Variants in RBFOX1 observed in about 807,000 individuals in gnomAD.
RBFOX1 encodes RNA binding protein fox-1 homolog 1.
A neutral mutation model predicts 57.7 loss-of-function variants in RBFOX1; 8 were observed. That is an observed-to-expected ratio of 0.14 (90% CI 0.08 to 0.25). RBFOX1 has a LOEUF of 0.25. RBFOX1 is among the 10% of genes least tolerant of loss of function. The pLI is 1.00. For synonymous variants in RBFOX1, 326 were observed against 222.4 expected (o/e 1.47, Z -4.15); for missense variants, 611 against 548.5 (o/e 1.11, Z -1.14).
chr16:7,532,555 C>A (rs965306441), intron 5 of RBFOX1, among the ~76,000 whole-genome samples: 1 of 152,206 alleles, frequency 6.6e-6, no homozygotes, highest in Non-Finnish European at 1.5e-5. Context: ...TTTCTCCTTG[C>A]CTAGTCTAGC....
At chr16:5,740,643 G>A (rs573361565) in intron 3 of RBFOX1, among the ~76,000 whole-genome samples, 4 of 152,302 alleles carry the variant, frequency 2.6e-5, no homozygotes, top group South Asian at 4.1e-4. Context: ...AGCTTAAACA[G>A]TATGATAGGC....
chr16:6,992,737 G>C (rs997274149), intron 3 of RBFOX1, among the ~76,000 whole-genome samples: 5 of 150,986 alleles, frequency 3.3e-5, no homozygotes, highest in African/African-American at 1.2e-4. Flanking sequence ...ATGAGTCCAA[G>C]AGGTCACATG....
chr16:6,483,386 A>G (rs2095406482), intron 2 of RBFOX1: 5 of 1,528,412 alleles, frequency 3.3e-6, no homozygotes, highest in South Asian at 1.2e-5. Context: ...CGCGCACGAC[A>G]GATGACTGGA....
chr16:7,546,687 C>G (rs1304062810), intron 5 of RBFOX1, among the ~76,000 whole-genome samples: 1 of 152,182 alleles, frequency 6.6e-6, no homozygotes, highest in African/African-American at 2.4e-5. Flanking sequence ...AGTCATTATT[C>G]AATGACTATT....
At chr16:6,778,760 TTTC>T in intron 3 of RBFOX1, among the ~76,000 whole-genome samples, 1 of 152,220 alleles carries the variant, frequency 6.6e-6, no homozygotes, top group East Asian at 1.9e-4. Context: ...GATTGTGAAT[TTTC>T]TTGTTTATCG....
chr16:5,260,180 A>G (rs1000283219), intron 1 of RBFOX1, among the ~76,000 whole-genome samples: 2 of 152,196 alleles, frequency 1.3e-5, no homozygotes, highest in Admixed American at 1.3e-4. Flanking sequence ...AATGTGGGTG[A>G]CGATTGTTTA....
rs193294816 is a variant in RBFOX1, at chr16:7,547,201, T to C, written c.270+28812T>C. On this transcript the variant is annotated intron_variant, in intron 5 of 15. Transcript: ENST00000550418. ...ATACTTTCTTATAAGGCCATAAATA[T>C]TGGTGGTACCAAAGGTTAACGTAGT... 6.7e-4 allele frequency among the ~76,000 whole-genome samples: 102 copies of C among 152,318 alleles called. 3 individuals carry two copies. Among genetic ancestry groups the C allele is most frequent in the Non-Finnish European group, 1.5e-4 (10 of 68,028 alleles).
chr16:7,673,418 C>T (rs1235617050), intron 13 of RBFOX1, among the ~76,000 whole-genome samples: 1 of 152,124 alleles, frequency 6.6e-6, no homozygotes, highest in African/African-American at 2.4e-5. Flanking sequence ...TTTGAAACTG[C>T]TTTATTAGCT....
rs151148881 is a variant in RBFOX1, at chr16:7,045,378, A to G, written c.-15-6679A>G. Reference sequence around the variant, plus strand: ...CACAACAAAAACAAACATGTCTACTATAGAGATTACTTGAAATATCCTTTT... The same window carrying G: ...CACAACAAAAACAAACATGTCTACTGTAGAGATTACTTGAAATATCCTTTT... On this transcript the variant is annotated intron_variant, in intron 3 of 15. Transcript: ENST00000550418. Among the ~76,000 whole-genome samples, 608 of 152,344 alleles carry G rather than the reference A, an allele frequency of 4.0e-3. 1 individual carries two copies. Among genetic ancestry groups the G allele is most frequent in the Non-Finnish European group, 6.3e-3 (429 of 68,030 alleles).
intron 1 of RBFOX1, among the ~76,000 whole-genome samples, chr16:5,327,171 G>A (rs1343725846): frequency 1.3e-5 from 2 of 152,176 alleles, no homozygotes; most frequent in Non-Finnish European, 2.9e-5. Flanking sequence ...TTTTCACCTG[G>A]AGATTCCAAA....
rs552147207 is a variant in RBFOX1, at chr16:6,511,389, T to C, written c.-63-143214T>C. Among the ~76,000 whole-genome samples, 164 of 152,264 alleles carry C rather than the reference T, an allele frequency of 1.1e-3. 1 individual carries two copies. Among genetic ancestry groups the C allele is most frequent in the Admixed American group, 1.0e-3 (16 of 15,288 alleles). On this transcript the variant is annotated intron_variant, in intron 2 of 15. Transcript: ENST00000550418. ...GCAGAAATGAATCCCTCTTGGTAGA[T>C]TGAGAATATCATACGCAAAATGAAG...
intron 2 of RBFOX1, among the ~76,000 whole-genome samples, chr16:6,639,554 C>G (rs904223508): frequency 6.6e-6 from 1 of 152,068 alleles, no homozygotes; most frequent in African/African-American, 2.4e-5. Flanking sequence ...TACAAATACA[C>G]AATAATAATA....
At chr16:7,700,739 C>G (rs966846889) in intron 14 of RBFOX1, among the ~76,000 whole-genome samples, 13 of 152,164 alleles carry the variant, frequency 8.5e-5, no homozygotes, top group African/African-American at 2.7e-4. Flanking sequence ...AAAAGTGGGA[C>G]TTACTTACTG....
At chr16:6,866,528 T>G (rs2059937591) in intron 3 of RBFOX1, among the ~76,000 whole-genome samples, 1 of 138,924 alleles carries the variant, frequency 7.2e-6, no homozygotes, top group Admixed American at 7.7e-5. Context: ...AGGTTAGGGC[T>G]TTCTTTCCTT....
intron 1 of RBFOX1, among the ~76,000 whole-genome samples, chr16:5,408,915 G>A (rs866284841): frequency 6.6e-6 from 1 of 152,168 alleles, no homozygotes. Context: ...TGAGAAATCC[G>A]CCCCCGTGAT....
chr16:7,072,731 C>G (rs144338816), intron 4 of RBFOX1, among the ~76,000 whole-genome samples: 1 of 152,196 alleles, frequency 6.6e-6, no homozygotes, highest in South Asian at 2.1e-4. Context: ...TATGAAGCAT[C>G]ATTTTCAGGC....
At position 6,317,076 on chromosome 16, in the gene RBFOX1, G is replaced by A. The variant is rs1567922750; in HGVS notation, c.-64+19G>A. On this transcript the variant is annotated intron_variant, in intron 2 of 15. Transcript: ENST00000550418. ...GCATTCAGTAAGTGCAACCCATTTT[G>A]AACATTCATTCCATAAATACATCCA... The A allele has an allele frequency of 6.6e-7, 1 of 1,525,680 alleles. No homozygotes were observed. The highest frequency in any genetic ancestry group is 8.8e-7 in the Non-Finnish European group (1 of 1,137,992). 94.5% of individuals were successfully genotyped at this position (1,525,680 alleles called of 1,614,324 possible).
chr16:7,037,228 CTTTTTTTTTTTTTT>C (rs889539532), intron 3 of RBFOX1, among the ~76,000 whole-genome samples: 1 of 80,524 alleles, frequency 1.2e-5, no homozygotes, highest in Non-Finnish European at 2.2e-5. Flanking sequence ...GTCTTAGCCT[CTTTTTTTTTTTTTT>C]TTTTTTTTTT....
At chr16:5,379,103 C>G (rs1017751632) in intron 1 of RBFOX1, among the ~76,000 whole-genome samples, 2 of 151,436 alleles carry the variant, frequency 1.3e-5, no homozygotes, top group African/African-American at 2.5e-5. Flanking sequence ...TTGCATCAAC[C>G]TAATGCATCA....
Sources: allele counts gnomAD v4.1 joint callset (sites outside exome capture counted in the v4.1 genomes callset), GRCh38; gene constraint gnomAD v4.1.1; transcripts MANE v1.5; gene names NCBI Gene and HGNC (gene_info 2026-07-23, HGNC 2026-07-21).